The following HNRNPC variants were observed in gnomAD, a reference collection of about 807,000 sequenced individuals.
HNRNPC encodes the protein heterogeneous nuclear ribonucleoprotein C, also known as heterogeneous nuclear ribonucleoproteins C1/C2.
HNRNPC carries 3 observed loss-of-function variants against 33.2 expected under a neutral mutation model. That is an observed-to-expected ratio of 0.09 (90% CI 0.04 to 0.23). HNRNPC has a LOEUF of 0.23. Among genes scored for constraint, HNRNPC ranks in the 10% least tolerant of loss-of-function variants. The pLI, the probability that HNRNPC is intolerant of heterozygous loss-of-function variation, is 1.00. For missense variants in HNRNPC, 143 were observed against 366.7 expected (o/e 0.39, Z 4.98); for synonymous variants, 121 against 126.7 (o/e 0.96, Z 0.30).
intron 5 of HNRNPC, among the ~76,000 whole-genome samples, chr14:21,218,694 A>AC (rs1892490694): frequency 1.3e-5 from 2 of 149,900 alleles, no homozygotes; most frequent in Non-Finnish European, 3.0e-5. Flanking sequence ...AAAAAAAAAA[A>AC]AAAAAAAAAA....
rs1171795284 is a variant in HNRNPC, at chr14:21,209,794, A to C, written c.*1429T>G. ...AAAATTATAAGCGGCATTTTCTGCT[A>C]TGCTGGAAAAACTGAAGTATAAAAC... On this transcript the variant is annotated 3_prime_UTR_variant, in exon 9 of 9. Coordinates refer to ENST00000553300, the MANE Select transcript of HNRNPC (RefSeq NM_004500.4). The C allele has an allele frequency of 6.6e-6, 1 of 152,232 alleles. No individual in the cohort carries two copies. The allele number at this position is 152,232 out of a possible 1,614,324, so 9.4% of individuals were successfully genotyped here.
chr14:21,225,130 A>T (rs996496120), intron 5 of HNRNPC, among the ~76,000 whole-genome samples: 1 of 151,988 alleles, frequency 6.6e-6, no homozygotes, highest in Non-Finnish European at 1.5e-5. Context: ...TCCAAATAAG[A>T]ATTAAAGAGG....
At chr14:21,248,626 C>T (rs1896270332) in intron 2 of HNRNPC, among the ~76,000 whole-genome samples, 1 of 152,064 alleles carries the variant, frequency 6.6e-6, no homozygotes, top group Non-Finnish European at 1.5e-5. Context: ...ACTAACAATA[C>T]TAAAGGTATA....
chr14:21,254,765 G>T lies in HNRNPC; in HGVS notation c.-37+8546C>A, dbSNP rs1160820203. 4.6e-5 allele frequency among the ~76,000 whole-genome samples: 7 copies of T among 152,144 alleles called. No homozygotes were observed. The East Asian group carries it at 9.6e-4, about 21-fold the overall frequency. On this transcript the variant is annotated intron_variant, in intron 2 of 8. Transcript: ENST00000553300. ...TTGTAAAAATACAAAAATTAGCCAG[G>T]CGTGGTGGCAGGCGCCTGTAATCCC... is the stretch of plus-strand genomic sequence containing the variant.
At chr14:21,253,342 T>G (rs1010934829) in intron 2 of HNRNPC, among the ~76,000 whole-genome samples, 3 of 148,042 alleles carry the variant, frequency 2.0e-5, no homozygotes, top group African/African-American at 7.5e-5. Flanking sequence ...AAAAATTAGC[T>G]GGATGCCTGT....
In HNRNPC at chr14:21,219,121, A is replaced by AG. The variant is rs1203596199; in HGVS notation, c.366-6005_366-6004insC. On this transcript the variant is annotated intron_variant, in intron 5 of 8. Coordinates refer to ENST00000553300, the MANE Select transcript of HNRNPC (RefSeq NM_004500.4). Reference sequence around the variant, plus strand: ...GAGACTCTTTCTCAAAAAAAAAAAAAAAAGAAGAAAAAGAAAGGGGAAAAA... The same window carrying AG: ...GAGACTCTTTCTCAAAAAAAAAAAAAGAAAGAAGAAAAAGAAAGGGGAAAAA... 2.7e-5 allele frequency among the ~76,000 whole-genome samples: 4 copies of AG among 150,592 alleles called. No homozygotes were observed. In the East Asian group the frequency reaches 5.8e-4, roughly 22 times the overall value.
intron 5 of HNRNPC, among the ~76,000 whole-genome samples, chr14:21,219,328 T>C (rs1000565226): frequency 6.6e-6 from 1 of 152,132 alleles, no homozygotes; most frequent in Non-Finnish European, 1.5e-5. Context: ...ACTATGCATT[T>C]TGTAAATCAA....
intron 3 of HNRNPC, among the ~76,000 whole-genome samples, chr14:21,233,411 G>C (rs1894331330): frequency 6.6e-6 from 1 of 152,072 alleles, no homozygotes. Flanking sequence ...TTGAAACTGA[G>C]GCACAAGGTA....
At chr14:21,213,884 G>C (rs1344655436) in intron 5 of HNRNPC, among the ~76,000 whole-genome samples, 1 of 152,070 alleles carries the variant, frequency 6.6e-6, no homozygotes, top group Non-Finnish European at 1.5e-5. Context: ...ATAAACACTG[G>C]TTGCTCAACT....
intron 2 of HNRNPC, among the ~76,000 whole-genome samples, chr14:21,252,196 AAT>A (rs1457926624): frequency 7.9e-5 from 12 of 152,190 alleles, no homozygotes. Context: ...CAAAAGAACA[AAT>A]AAACAAAAAG....
chr14:21,245,632 A>C (rs922018890), intron 2 of HNRNPC, among the ~76,000 whole-genome samples: 3 of 152,208 alleles, frequency 2.0e-5, no homozygotes, highest in Non-Finnish European at 4.4e-5. Flanking sequence ...ACATTACCAT[A>C]CACTACTGTG....
rs1891428582 is a variant in HNRNPC at position 21,209,792 on chromosome 14, C to T, written c.*1431G>A. Reference sequence around the variant, plus strand: ...CAAAAATTATAAGCGGCATTTTCTGCTATGCTGGAAAAACTGAAGTATAAA... The same window carrying T: ...CAAAAATTATAAGCGGCATTTTCTGTTATGCTGGAAAAACTGAAGTATAAA... On this transcript the variant is annotated 3_prime_UTR_variant, in exon 9 of 9. Coordinates refer to ENST00000553300, the MANE Select transcript of HNRNPC (RefSeq NM_004500.4). The T allele has an allele frequency of 6.6e-6, 1 of 152,136 alleles. No individual in the cohort carries two copies. Among genetic ancestry groups the T allele is most frequent in the African/African-American group, 2.4e-5 (1 of 41,428 alleles). 9.4% of individuals were successfully genotyped at this position (152,136 alleles called of 1,614,324 possible). A position where few individuals can be genotyped will look rare whatever the true frequency, so the allele number is the denominator to read the frequency against.
chr14:21,255,510 A>T (rs1877024739), intron 2 of HNRNPC, among the ~76,000 whole-genome samples: 1 of 152,238 alleles, frequency 6.6e-6, no homozygotes, highest in African/African-American at 2.4e-5. Context: ...ACTCTATCAC[A>T]GCTAAACCTT....
At chr14:21,267,549 G>GA (rs35708196) in intron 1 of HNRNPC, among the ~76,000 whole-genome samples, 2 of 151,770 alleles carry the variant, frequency 1.3e-5, no homozygotes, top group African/African-American at 2.4e-5. Flanking sequence ...GCATGAGGGG[G>GA]AAAAAAAAGG....
intron 2 of HNRNPC, among the ~76,000 whole-genome samples, chr14:21,247,082 G>T (rs1384020886): frequency 1.3e-5 from 2 of 152,118 alleles, no homozygotes; most frequent in Admixed American, 1.3e-4. Flanking sequence ...TTTTTGAGGG[G>T]GTGCTGGCAG....
rs578038375 is a variant in HNRNPC at position 21,246,244 on chromosome 14, C to T, written c.-36-12015G>A. On this transcript the variant is annotated intron_variant, in intron 2 of 8. Coordinates refer to ENST00000553300, the MANE Select transcript of HNRNPC (RefSeq NM_004500.4). ...ACATTTCATTCAAACTCTTCCCCAT[C>T]CTAGCCATCTATGAAAATAAATGAT... 2.0e-5 allele frequency among the ~76,000 whole-genome samples: 3 copies of T among 152,242 alleles called. No homozygotes were observed. In the South Asian group the frequency reaches 6.2e-4, roughly 32 times the overall value.
chr14:21,257,382 T>TA (rs71112563), intron 2 of HNRNPC, among the ~76,000 whole-genome samples: 25,289 of 147,764 alleles, frequency 0.17, 2,413 homozygotes, highest in Admixed American at 0.24. Context: ...GGAAGCAAAG[T>TA]AAAAAAAAAA....
At chr14:21,263,876 T>C (rs1026870526) in intron 1 of HNRNPC, 2 of 152,108 alleles carry the variant, frequency 1.3e-5, no homozygotes, top group African/African-American at 4.8e-5. Context: ...CTCAGAAATG[T>C]TGTGCCCTAA....
chr14:21,258,524 T>G (rs1175426158), intron 2 of HNRNPC, among the ~76,000 whole-genome samples: 3 of 152,218 alleles, frequency 2.0e-5, no homozygotes, highest in Non-Finnish European at 4.4e-5. Flanking sequence ...GGCAAGTTAT[T>G]TAAATTCTGT....
Sources: allele counts gnomAD v4.1 joint callset (sites outside exome capture counted in the v4.1 genomes callset), GRCh38; gene constraint gnomAD v4.1.1; transcripts MANE v1.5; gene names NCBI Gene and HGNC (gene_info 2026-07-23, HGNC 2026-07-21).